The following SH3GLB2 variants were observed in gnomAD, a reference collection of about 807,000 sequenced individuals.
The protein encoded by SH3GLB2 is endophilin-B2.
SH3GLB2 carries 24 observed loss-of-function variants against 48.0 expected under a neutral mutation model. The ratio of observed to expected loss-of-function variants is 0.50; its 90% confidence interval spans 0.36 to 0.70. The LOEUF is 0.70. Among genes scored for constraint, SH3GLB2 ranks in the 30% least tolerant of loss-of-function variants. The pLI, the probability that SH3GLB2 is intolerant of heterozygous loss-of-function variation, is 0.00. For synonymous variants in SH3GLB2, 227 were observed against 207.6 expected, an observed-to-expected ratio of 1.09 and a Z score of -0.80; for missense variants, 425 against 516.0, an observed-to-expected ratio of 0.82 and a Z score of 1.71.
chr9:129,028,006 C>T, intron 1 of SH3GLB2, 86 bp downstream of exon 1: 1 of 1,313,598 alleles, frequency 7.6e-7, no homozygotes, highest in Non-Finnish European at 1.0e-6. Flanking sequence ...GGAGGGCTTT[C>T]CCGCGTCCCC....
intron 3 of SH3GLB2, among the ~76,000 whole-genome samples, chr9:129,015,406 C>A (rs1444126750): frequency 6.6e-6 from 1 of 152,064 alleles, no homozygotes; most frequent in Non-Finnish European, 1.5e-5. Flanking sequence ...TGCAAATTGA[C>A]CAAGGCAAAA....
chr9:129,010,353 C>A lies in SH3GLB2; in HGVS notation c.649-144G>T, dbSNP rs1460621944. ...TCTGGGTCTATGCCTGACTTCACAC[C>A]TGGAGCCCCAACCCCAGAGAAGCTA... On this transcript the variant is annotated intron_variant, in intron 7 of 10. Transcript: ENST00000372564. 4 of 702,084 alleles carry A rather than the reference C, an allele frequency of 5.7e-6. No individual in the cohort carries two copies. In the East Asian group the frequency reaches 1.1e-4, roughly 19 times the overall value. The allele number at this position is 702,084 out of a possible 1,614,324, so 43.5% of individuals were successfully genotyped here.
chr9:129,019,752 A>G (rs527305668), intron 3 of SH3GLB2, among the ~76,000 whole-genome samples: 2 of 149,502 alleles, frequency 1.3e-5, no homozygotes, highest in South Asian at 2.1e-4. Flanking sequence ...AGATGTTTGT[A>G]CAACTCTGTA....
At chr9:129,027,972 G>A (rs1371119651) in intron 1 of SH3GLB2, 120 bp downstream of exon 1, 2 of 920,880 alleles carry the variant, frequency 2.2e-6, no homozygotes, top group South Asian at 1.9e-5. Context: ...GGTGTGCCGC[G>A]GCGGGGACGA....
intron 7 of SH3GLB2, 37 bp downstream of exon 7, chr9:129,010,633 T>G (rs1340126180): frequency 6.2e-7 from 1 of 1,609,574 alleles, no homozygotes; most frequent in Admixed American, 1.7e-5. Context: ...CCGCCACCCC[T>G]TCTTCCTCGA....
intron 1 of SH3GLB2, among the ~76,000 whole-genome samples, chr9:129,023,704 C>T (rs2131298066): frequency 6.6e-6 from 1 of 152,284 alleles, no homozygotes; most frequent in South Asian, 2.1e-4. Context: ...TGGGCGGCCA[C>T]CAGGAGCTCA....
At position 129,013,561 on chromosome 9, in the gene SH3GLB2, C is replaced by A. The variant is rs41275940; in HGVS notation, c.561+850G>T. The A allele has an allele frequency of 5.6e-3, 982 of 174,626 alleles. 3 individuals are homozygous for A. The highest frequency in any genetic ancestry group is 8.5e-3 in the Non-Finnish European group (695 of 81,680). 10.8% of individuals were successfully genotyped at this position (174,626 alleles called of 1,614,324 possible). On this transcript the variant is annotated intron_variant, in intron 5 of 10. Coordinates refer to ENST00000372564, the MANE Select transcript of SH3GLB2 (RefSeq NM_020145.4). ...CCCCACACACTTGAGTGACCTGAGACGGTTCTCGCCAGGGGCAGTGCTGGC... is the reference window on the plus strand; with the variant it reads ...CCCCACACACTTGAGTGACCTGAGAAGGTTCTCGCCAGGGGCAGTGCTGGC...
In SH3GLB2 at chr9:129,014,596, T is replaced by C. The variant is rs1367362809; in HGVS notation, c.469-93A>G. On this transcript the variant is annotated intron_variant, in intron 4 of 10. Transcript: ENST00000372564. This position sits in a 1 kb window ranked among gnomAD's most constrained non-coding sequence, Gnocchi z 4.1. ...AAGATTGGTGCCGGGGACGATCAAG[T>C]CAAGATAGGGAAACTGAGGCCCAGA... 2.7e-6 allele frequency: 4 copies of C among 1,497,508 alleles called. No homozygotes were observed. Among genetic ancestry groups the C allele is most frequent in the Non-Finnish European group, 3.7e-6 (4 of 1,093,828 alleles). 92.8% of individuals were successfully genotyped at this position (1,497,508 alleles called of 1,614,324 possible).
chr9:129,009,298 C>A lies in SH3GLB2; in HGVS notation c.888G>T (p.Leu296=), dbSNP rs1444065741. 2 of 1,551,056 alleles carry A rather than the reference C, an allele frequency of 1.3e-6. No individual in the cohort carries two copies. The highest frequency in any genetic ancestry group is 1.9e-5 in the Admixed American group (1 of 51,328). ...VGTTEPASPP[L]SSTSPTTAAA... ...CAGCAGTGGTGGGTGAGGTGCTGCT[C>A]AGGGGTGGGGAGGCGGGCTCTGTGG... Residue 296 remains leucine, a synonymous_variant, in exon 10 of 11, where the codon CTG becomes CTT. Coordinates refer to ENST00000372564, the MANE Select transcript of SH3GLB2 (RefSeq NM_020145.4).
rs900192628 is a variant in SH3GLB2 at position 129,007,685 on chromosome 9, A to G, written c.*999T>C. 2 of 152,248 alleles carry G rather than the reference A, an allele frequency of 1.3e-5. No individual in the cohort carries two copies. Among genetic ancestry groups the G allele is most frequent in the Non-Finnish European group, 2.9e-5 (2 of 68,066 alleles). 9.4% of individuals were successfully genotyped at this position (152,248 alleles called of 1,614,324 possible). A position where few individuals can be genotyped will look rare whatever the true frequency, so the allele number is the denominator to read the frequency against. On this transcript the variant is annotated 3_prime_UTR_variant, in exon 11 of 11. Transcript: ENST00000372564. ...GCATGAGAACCCATGGCACGGGGGC[A>G]CATGCTGGGTGAAACGCCCGACCTG...
Position 129,010,112 on chromosome 9 carries a change from G to C in SH3GLB2, c.738+8C>G, listed in dbSNP as rs200804361. Reference sequence around the variant, plus strand: ...TTAGGTTTAGTGAGGGTGGGCAGTGGGACTCACGTGAGTGCTACTGATTCC... The same window carrying C: ...TTAGGTTTAGTGAGGGTGGGCAGTGCGACTCACGTGAGTGCTACTGATTCC... On this transcript the variant is annotated splice_region_variant and intron_variant, in intron 8 of 10. Coordinates refer to ENST00000372564, the MANE Select transcript of SH3GLB2 (RefSeq NM_020145.4). 24 of 1,612,274 alleles carry C rather than the reference G, an allele frequency of 1.5e-5. No homozygotes were observed. Among genetic ancestry groups the C allele is most frequent in the Non-Finnish European group, 2.0e-5 (24 of 1,178,516 alleles).
At chr9:129,012,341 G>C (rs1843176941) in intron 5 of SH3GLB2, 43 bp from the exon 6 acceptor site, 1 of 1,215,506 alleles carries the variant, frequency 8.2e-7, no homozygotes, top group Non-Finnish European at 1.1e-6. Flanking sequence ...GTCACCCTGG[G>C]CCAGGGCCAG....
At chr9:129,016,740 G>A (rs1391114634) in intron 3 of SH3GLB2, among the ~76,000 whole-genome samples, 1 of 151,996 alleles carries the variant, frequency 6.6e-6, no homozygotes, top group Non-Finnish European at 1.5e-5. Flanking sequence ...AGTTAACGTG[G>A]CTATACTACT....
chr9:129,017,934 G>C (rs1182873782), intron 3 of SH3GLB2, among the ~76,000 whole-genome samples: 2 of 145,458 alleles, frequency 1.4e-5, no homozygotes, highest in African/African-American at 5.2e-5. Flanking sequence ...AGCTGGGTGT[G>C]ATTATAGGTG....
intron 6 of SH3GLB2, 168 bp from the exon 7 acceptor site, chr9:129,010,861 TG>T: frequency 1.3e-6 from 1 of 774,190 alleles, no homozygotes; most frequent in Non-Finnish European, 2.1e-6. Context: ...GCATGGGAGC[TG>T]GGGGCTGGCG....
Position 129,021,154 on chromosome 9 carries a change from C to A in SH3GLB2, c.271G>T (p.Gly91Trp), listed in dbSNP as rs369717851. 3.7e-5 allele frequency: 59 copies of A among 1,612,216 alleles called. No individual in the cohort carries two copies. Among genetic ancestry groups the A allele is most frequent in the African/African-American group, 5.3e-5 (4 of 74,858 alleles). Reference sequence around the variant, plus strand: ...GCCATGTACTGAGCCAGCAGCTCCCCGTTGGTGACCCTTGAGGGGACCTTC... The same window carrying A: ...GCCATGTACTGAGCCAGCAGCTCCCAGTTGGTGACCCTTGAGGGGACCTTC... ...DRKVPSRVTNGELLAQYMADA... is the reference protein window; with the variant it reads ...DRKVPSRVTNWELLAQYMADA... Residue 91 changes from glycine to tryptophan, a missense_variant, in exon 3 of 11, where the codon GGG becomes TGG. Coordinates refer to ENST00000372564, the MANE Select transcript of SH3GLB2 (RefSeq NM_020145.4).
At chr9:129,013,202 G>A in intron 5 of SH3GLB2, 2 of 633,314 alleles carry the variant, frequency 3.2e-6, no homozygotes, top group South Asian at 3.9e-5. Flanking sequence ...TATGGGGACA[G>A]AGCTGTGGAG....
chr9:129,016,342 TAAAAAAAAAAAAAAA>T (rs57505648), intron 3 of SH3GLB2, among the ~76,000 whole-genome samples: 47 of 34,106 alleles, frequency 1.4e-3, no homozygotes, highest in South Asian at 4.3e-3. Context: ...AGACTGTCTT[TAAAAAAAAAAAAAAA>T]AAAAAAAAAA....
In SH3GLB2 at chr9:129,014,834, C is replaced by G. The variant is rs745395747; in HGVS notation, c.405G>C (p.Thr135=). The G allele has an allele frequency of 6.2e-7, 1 of 1,613,858 alleles. No homozygotes were observed. The highest frequency in any genetic ancestry group is 8.5e-7 in the Non-Finnish European group (1 of 1,180,028). Residue 135 remains threonine (T), a synonymous_variant, in exon 4 of 11, where the codon ACG becomes ACC. Transcript: ENST00000372564. This position sits in a 1 kb window ranked among gnomAD's most constrained non-coding sequence, Gnocchi z 4.1. ...AGGGTGTGAGGAAGCTGATGGAGGC[C>G]GTGTGGATAAAATCCCTCTCCGCGG... The part of the protein sequence containing the change: ...LGAAERDFIH[T]ASISFLTPLR...
Sources: gnomAD v4.1 joint callset for allele counts (sites outside exome capture counted in the v4.1 genomes callset) on GRCh38, gnomAD v4.1.1 for gene constraint, Gnocchi (gnomAD v3.1) non-coding constraint, MANE v1.5 for transcripts, NCBI Gene and HGNC (gene_info 2026-07-23, HGNC 2026-07-21) for gene names.